Variants in CTNNBL1 observed in about 807,000 individuals in gnomAD.
The protein encoded by CTNNBL1 is beta-catenin-like protein 1.
Under a neutral mutation model 72.7 loss-of-function variants are expected in CTNNBL1, and 31 were observed. The observed-to-expected ratio is 0.43, with a 90% CI of 0.32 to 0.58. The LOEUF (loss-of-function observed/expected upper bound fraction) is 0.58, where lower values mean the gene tolerates loss of function less well. Ranked by LOEUF, CTNNBL1 falls within the 20% of genes least tolerant of loss-of-function variation. CTNNBL1 has a pLI of 0.08. For missense variants in CTNNBL1, 534 were observed against 725.1 expected (o/e 0.74, Z 3.03); for synonymous variants, 240 against 267.3 (o/e 0.90, Z 1.00).
At chr20:37,793,108 G>A (rs1464212678) in intron 10 of CTNNBL1, among the ~76,000 whole-genome samples, 1 of 152,204 alleles carries the variant, frequency 6.6e-6, no homozygotes, top group African/African-American at 2.4e-5. Context: ...ATTTGCTGTT[G>A]TTGGGTGGAA....
chr20:37,757,270 A>C (rs1419728520), intron 4 of CTNNBL1, among the ~76,000 whole-genome samples: 3 of 152,218 alleles, frequency 2.0e-5, no homozygotes, highest in Non-Finnish European at 4.4e-5. Flanking sequence ...TCTCACTGGA[A>C]GTGACTTCCC....
chr20:37,702,957 G>A (rs1338683961), intron 1 of CTNNBL1, among the ~76,000 whole-genome samples: 2 of 152,138 alleles, frequency 1.3e-5, no homozygotes, highest in African/African-American at 4.8e-5. Flanking sequence ...TAGCTTGTTG[G>A]CCTACATCTC....
At chr20:37,813,346 A>G (rs1392844297) in intron 11 of CTNNBL1, among the ~76,000 whole-genome samples, 1 of 152,212 alleles carries the variant, frequency 6.6e-6, no homozygotes, top group Non-Finnish European at 1.5e-5. Context: ...CCTGGTACCT[A>G]GTAAGTATTC....
chr20:37,833,474 C>T (rs775604077), intron 11 of CTNNBL1, among the ~76,000 whole-genome samples: 4 of 152,182 alleles, frequency 2.6e-5, no homozygotes, highest in South Asian at 2.1e-4. Context: ...GGCTCTGTAA[C>T]GCTCCACCTA....
chr20:37,871,040 A>T (rs931114670), intron 15 of CTNNBL1, among the ~76,000 whole-genome samples: 1 of 152,182 alleles, frequency 6.6e-6, no homozygotes, highest in East Asian at 1.9e-4. Flanking sequence ...AGAAATTTGC[A>T]TCTGTTTCTA....
intron 1 of CTNNBL1, among the ~76,000 whole-genome samples, chr20:37,707,194 A>T (rs1359315871): frequency 6.6e-6 from 1 of 152,218 alleles, no homozygotes; most frequent in Admixed American, 6.5e-5. Context: ...CTTCAATTTA[A>T]AAGTCATTAG....
At chr20:37,834,653 G>A (rs2072239213) in intron 11 of CTNNBL1, among the ~76,000 whole-genome samples, 1 of 152,120 alleles carries the variant, frequency 6.6e-6, no homozygotes, top group Non-Finnish European at 1.5e-5. Context: ...GCATAACATG[G>A]TAGGAAAAGC....
chr20:37,787,420 C>T (rs2073686792), intron 10 of CTNNBL1, among the ~76,000 whole-genome samples: 1 of 147,014 alleles, frequency 6.8e-6, no homozygotes, highest in Non-Finnish European at 1.5e-5. Context: ...TCTCGGCTCA[C>T]TGCAAGCTCC....
chr20:37,710,201 T>C (rs1442357473), intron 1 of CTNNBL1, among the ~76,000 whole-genome samples: 1 of 152,268 alleles, frequency 6.6e-6, no homozygotes, highest in Non-Finnish European at 1.5e-5. Flanking sequence ...AATTCTCTCA[T>C]GACCTTTTGA....
intron 2 of CTNNBL1, among the ~76,000 whole-genome samples, chr20:37,736,012 T>C (rs1413767677): frequency 6.6e-6 from 1 of 150,468 alleles, no homozygotes; most frequent in African/African-American, 2.5e-5. Flanking sequence ...CAGTGTAGAT[T>C]TTTTGGAGAA....
chr20:37,729,936 A>G lies in CTNNBL1; in HGVS notation c.31-2943A>G, dbSNP rs139883423. On this transcript the variant is annotated intron_variant, in intron 1 of 15. Coordinates refer to ENST00000361383, the MANE Select transcript of CTNNBL1 (RefSeq NM_030877.5). ...TTTTGTAATTTTTGTCCTTATGGAA[A>G]ATAAAGTGTGTTCATACGAAATTAT... Among the ~76,000 whole-genome samples the G allele has an allele frequency of 1.4e-3, 206 of 152,358 alleles. 1 individual carries two copies. The highest frequency in any genetic ancestry group is 6.8e-3 in the Middle Eastern group (2 of 294).
chr20:37,786,387 C>T (rs1359277647), intron 10 of CTNNBL1, among the ~76,000 whole-genome samples: 1 of 152,188 alleles, frequency 6.6e-6, no homozygotes, highest in East Asian at 1.9e-4. Context: ...CTACAGATGC[C>T]ATCTGAGAGC....
chr20:37,779,417 G>T, intron 10 of CTNNBL1, 82 bp downstream of exon 10: 1 of 1,494,788 alleles, frequency 6.7e-7, no homozygotes. Flanking sequence ...ATGTAGCTAT[G>T]ATCATTTATT....
intron 1 of CTNNBL1, among the ~76,000 whole-genome samples, chr20:37,730,084 T>A (rs2073117144): frequency 6.6e-6 from 1 of 152,214 alleles, no homozygotes; most frequent in South Asian, 2.1e-4. Context: ...GCACCTGGTA[T>A]GTGGAGCAAG....
In CTNNBL1 at chr20:37,808,265, G is replaced by A. The variant is rs905905559; in HGVS notation, c.1213+5217G>A. Among the ~76,000 whole-genome samples, 3 of 152,202 alleles carry A rather than the reference G, an allele frequency of 2.0e-5. No individual in the cohort carries two copies. The South Asian group carries it at 6.2e-4, about 31-fold the overall frequency. On this transcript the variant is annotated intron_variant, in intron 11 of 15. Coordinates refer to ENST00000361383, the MANE Select transcript of CTNNBL1 (RefSeq NM_030877.5). ...GACTCCACATATCAGGAAGCATACGGCTGCCTTGTGTATCTTCCTAACAGT... is the reference window on the plus strand; with the variant it reads ...GACTCCACATATCAGGAAGCATACGACTGCCTTGTGTATCTTCCTAACAGT...
chr20:37,746,596 A>G lies in CTNNBL1; in HGVS notation c.455A>G (p.His152Arg), dbSNP rs749205487. 2.5e-6 allele frequency: 4 copies of G among 1,613,968 alleles called. No individual in the cohort carries two copies. The highest frequency in any genetic ancestry group is 1.3e-5 in the African/African-American group (1 of 74,912). ...AVQSLLGLLGHDNTDVSIAVV... is the reference protein window; with the variant it reads ...AVQSLLGLLGRDNTDVSIAVV... ...CAGTCGCTTCTCGGCTTGCTCGGAC[A>G]CGATAATACAGATATCCTTTCAGAT... Residue 152 changes from histidine (H) to arginine (R), a missense_variant, in exon 4 of 16, where the codon CAC becomes CGC. Coordinates refer to ENST00000361383, the MANE Select transcript of CTNNBL1 (RefSeq NM_030877.5).
intron 9 of CTNNBL1, among the ~76,000 whole-genome samples, chr20:37,778,714 G>T (rs1026880938): frequency 2.6e-5 from 4 of 152,156 alleles, no homozygotes; most frequent in African/African-American, 9.7e-5. Flanking sequence ...TCTGGATTGT[G>T]GTTGCTTTTA....
At chr20:37,698,393 G>A (rs1600427456) in intron 1 of CTNNBL1, among the ~76,000 whole-genome samples, 1 of 152,108 alleles carries the variant, frequency 6.6e-6, no homozygotes. Context: ...AGGCCCACCC[G>A]TTAGGCACCA....
intron 7 of CTNNBL1, among the ~76,000 whole-genome samples, chr20:37,770,684 A>G (rs1020615063): frequency 2.0e-5 from 3 of 152,174 alleles, no homozygotes; most frequent in Admixed American, 2.0e-4. Context: ...GACTCTTGCC[A>G]CATAGGCACT....
Sources: allele counts gnomAD v4.1 joint callset (sites outside exome capture counted in the v4.1 genomes callset), GRCh38; gene constraint gnomAD v4.1.1; transcripts MANE v1.5; gene names NCBI Gene and HGNC (gene_info 2026-07-23, HGNC 2026-07-21).